The following GPHN variants were observed in gnomAD, a reference collection of about 807,000 sequenced individuals.
The protein encoded by GPHN is gephyrin.
In GPHN, 17 loss-of-function variants were observed where a neutral mutation model predicts 95.5. The ratio of observed to expected loss-of-function variants is 0.18; its 90% confidence interval spans 0.12 to 0.27. The LOEUF (loss-of-function observed/expected upper bound fraction) is 0.27. GPHN is among the 10% of genes least tolerant of loss of function. GPHN has a pLI of 1.00. For missense variants in GPHN, 660 were observed against 978.1 expected, an observed-to-expected ratio of 0.67 and a Z score of 4.34; for synonymous variants, 320 against 322.5, an observed-to-expected ratio of 0.99 and a Z score of 0.08.
At chr14:66,838,215 A>AG (rs2153505887) in intron 4 of GPHN, among the ~76,000 whole-genome samples, 1 of 152,316 alleles carries the variant, frequency 6.6e-6, no homozygotes, top group Admixed American at 6.5e-5. Flanking sequence ...CTTGCCTCAT[A>AG]GGGTACTTAC....
chr14:66,793,200 G>A (rs2060036576), intron 3 of GPHN, among the ~76,000 whole-genome samples: 1 of 152,216 alleles, frequency 6.6e-6, no homozygotes, highest in Admixed American at 6.5e-5. Flanking sequence ...CAACAGTAAA[G>A]CTAATTGTAC....
intron 2 of GPHN, among the ~76,000 whole-genome samples, chr14:66,767,280 G>A (rs925017615): frequency 6.6e-6 from 1 of 151,694 alleles, no homozygotes; most frequent in Non-Finnish European, 1.5e-5. Context: ...AAGGACAATG[G>A]GCTGTCCTTC....
the GPHN span, chr14:67,384,963 C>T: frequency 2.0e-5 from 3 of 152,102 alleles, no homozygotes; most frequent in Non-Finnish European, 2.9e-5. Flanking sequence ...CTTTGTTGTA[C>T]GCAGAGGAAT....
chr14:67,654,906 G>A, the GPHN span, among the ~76,000 whole-genome samples: 1 of 151,818 alleles, frequency 6.6e-6, no homozygotes, highest in Non-Finnish European at 1.5e-5. Context: ...GCAGACGCCT[G>A]TAGTCCCAGC....
At chr14:66,695,141 A>T (rs2068031432) in intron 2 of GPHN, among the ~76,000 whole-genome samples, 1 of 152,172 alleles carries the variant, frequency 6.6e-6, no homozygotes, top group Admixed American at 6.5e-5. Context: ...AGCCTGGGCA[A>T]CAGAGCAAGA....
At chr14:67,155,938 C>G (rs1464624861) in intron 18 of GPHN, among the ~76,000 whole-genome samples, 1 of 152,004 alleles carries the variant, frequency 6.6e-6, no homozygotes, top group African/African-American at 2.4e-5. Flanking sequence ...TGATGGAACC[C>G]AGAAAACAAT....
intron 2 of GPHN, among the ~76,000 whole-genome samples, chr14:66,775,430 A>G (rs2059346442): frequency 6.6e-6 from 1 of 152,170 alleles, no homozygotes; most frequent in Non-Finnish European, 1.5e-5. Context: ...TGTAATTTTA[A>G]AGTTTCTAAG....
At chr14:67,668,272 T>C in the GPHN span, among the ~76,000 whole-genome samples, 19,442 of 152,178 alleles carry the variant, frequency 0.13, 1,296 homozygotes, top group East Asian at 0.21. Context: ...TCTGAGGTAA[T>C]TGGAGAGACC....
At chr14:67,626,871 T>C in the GPHN span, among the ~76,000 whole-genome samples, 3 of 152,308 alleles carry the variant, frequency 2.0e-5, no homozygotes, top group Middle Eastern at 3.4e-3. Flanking sequence ...ATCCATATAA[T>C]GGAGTATTAT....
In GPHN at chr14:66,675,590, T is replaced by G. The variant is rs550304415; in HGVS notation, c.65-5517T>G. Among the ~76,000 whole-genome samples, 191 of 152,340 alleles carry G rather than the reference T, an allele frequency of 1.3e-3. 2 individuals are homozygous for G. The highest frequency in any genetic ancestry group is 1.7e-3 in the Non-Finnish European group (117 of 68,032). Reference sequence around the variant, plus strand: ...TTTCTTTACTCTGTTGATCTTCTTTTTTTGCTCTACAGAAGCTTTTTAGTT... The same window carrying G: ...TTTCTTTACTCTGTTGATCTTCTTTGTTTGCTCTACAGAAGCTTTTTAGTT... On this transcript the variant is annotated intron_variant, in intron 1 of 22. Transcript: ENST00000478722.
At chr14:66,660,738 A>G (rs148856966) in intron 1 of GPHN, among the ~76,000 whole-genome samples, 13 of 152,338 alleles carry the variant, frequency 8.5e-5, no homozygotes, top group Middle Eastern at 3.4e-3. Context: ...ACATCCAGGT[A>G]CTTGCATTGG....
chr14:67,080,741 C>T (rs1004939073), intron 11 of GPHN, among the ~76,000 whole-genome samples: 1 of 152,098 alleles, frequency 6.6e-6, no homozygotes, highest in African/African-American at 2.4e-5. Context: ...AATTTGTATT[C>T]TTTTATCCCT....
At chr14:66,883,802 G>GTA (rs2064045774) in intron 5 of GPHN, among the ~76,000 whole-genome samples, 2 of 152,046 alleles carry the variant, frequency 1.3e-5, no homozygotes, top group Non-Finnish European at 2.9e-5. Context: ...TTGGGCAGTA[G>GTA]TATATACTAG....
the GPHN span, among the ~76,000 whole-genome samples, chr14:67,510,698 G>T: frequency 6.6e-6 from 1 of 152,170 alleles, no homozygotes; most frequent in Non-Finnish European, 1.5e-5. Flanking sequence ...CTTATTCCTG[G>T]CTTTGAACAG....
At chr14:66,954,994 T>C (rs1429441205) in intron 8 of GPHN, among the ~76,000 whole-genome samples, 1 of 152,206 alleles carries the variant, frequency 6.6e-6, no homozygotes, top group Non-Finnish European at 1.5e-5. Flanking sequence ...ATTGTTTTAG[T>C]ATAATATTTG....
intron 1 of GPHN, chr14:66,508,916 G>C (rs1419005327): frequency 2.6e-6 from 1 of 383,336 alleles, no homozygotes; most frequent in African/African-American, 2.1e-5. Flanking sequence ...GCAGGCGGCG[G>C]GATCCCGGCT....
intron 2 of GPHN, among the ~76,000 whole-genome samples, chr14:66,694,403 CA>C (rs1363067549): frequency 6.6e-6 from 1 of 152,020 alleles, no homozygotes; most frequent in Non-Finnish European, 1.5e-5. Context: ...AATAGCAGCT[CA>C]AATAGACTTA....
At chr14:67,475,861 A>G in the GPHN span, among the ~76,000 whole-genome samples, 4 of 152,114 alleles carry the variant, frequency 2.6e-5, no homozygotes, top group African/African-American at 4.8e-5. Flanking sequence ...TGCCACCCCA[A>G]TGGCTTTTTG....
chr14:66,556,884 C>G (rs1420293662), intron 1 of GPHN, among the ~76,000 whole-genome samples: 1 of 151,942 alleles, frequency 6.6e-6, no homozygotes, highest in Non-Finnish European at 1.5e-5. Context: ...GCTACACATA[C>G]TAATTAAAAA....
Sources: allele counts gnomAD v4.1 joint callset (sites outside exome capture counted in the v4.1 genomes callset), GRCh38; gene constraint gnomAD v4.1.1; transcripts MANE v1.5; gene names NCBI Gene and HGNC (gene_info 2026-07-23, HGNC 2026-07-21).